CPS1: variants seen among roughly 807,000 people sequenced by gnomAD.
CPS1 encodes carbamoyl-phosphate synthase [ammonia], mitochondrial.
A neutral mutation model predicts 174.6 loss-of-function variants in CPS1; 109 were observed. That is an observed-to-expected ratio of 0.62 (90% CI 0.53 to 0.73). The LOEUF (loss-of-function observed/expected upper bound fraction) is 0.73, where lower values mean the gene tolerates loss of function less well. Among genes scored for constraint, CPS1 ranks in the 30% least tolerant of loss-of-function variants. CPS1 has a pLI of 0.00. For synonymous variants in CPS1, 637 were observed against 632.0 expected (o/e 1.01, Z -0.12); for missense variants, 1,689 against 1,821.9 (o/e 0.93, Z 1.33).
At chr2:210,674,796 C>T (rs746832151) in intron 34 of CPS1, 106 bp from the exon 35 acceptor site, 131 of 943,804 alleles carry the variant, frequency 1.4e-4, no homozygotes, top group Middle Eastern at 1.0e-3. Flanking sequence ...ATAAAGCATC[C>T]GGCAACATGT....
At position 210,605,252 on chromosome 2, in the gene CPS1, C is replaced by G. The variant is rs1698867066; in HGVS notation, c.1981+6C>G. 1 of 1,611,506 alleles carries G rather than the reference C, an allele frequency of 6.2e-7. No homozygotes were observed. The highest frequency in any genetic ancestry group is 1.1e-5 in the South Asian group (1 of 91,048). On this transcript the variant is annotated splice_donor_region_variant and intron_variant, in intron 17 of 37. Coordinates refer to ENST00000233072, the MANE Select transcript of CPS1 (RefSeq NM_001875.5). The stretch of plus-strand genomic sequence containing the variant: ...TGCCATGGGTGTTCACACAGGTAGG[C>G]AAAGTATCTTCAAGAACTATAGTAA...
chr2:210,503,378 A>C (rs1203419418), intron 1 of CPS1, among the ~76,000 whole-genome samples: 1 of 152,054 alleles, frequency 6.6e-6, no homozygotes, highest in Non-Finnish European at 1.5e-5. Flanking sequence ...ATAGAGAGAG[A>C]CTCATTAAAT....
At chr2:210,592,049 A>T (rs187531383) in intron 10 of CPS1, 80 bp downstream of exon 10, 10 of 1,456,814 alleles carry the variant, frequency 6.9e-6, no homozygotes, top group African/African-American at 1.4e-5. Flanking sequence ...TAAGCATTGT[A>T]TATATTTATG....
intron 1 of CPS1, among the ~76,000 whole-genome samples, chr2:210,483,580 T>G (rs546747623): frequency 1.0e-3 from 153 of 152,232 alleles, no homozygotes; most frequent in African/African-American, 3.7e-3. Context: ...CTCGCCCTTT[T>G]CTCCCTGCTG....
At chr2:210,562,879 T>C (rs1697150701) in intron 1 of CPS1, among the ~76,000 whole-genome samples, 1 of 152,058 alleles carries the variant, frequency 6.6e-6, no homozygotes, top group Non-Finnish European at 1.5e-5. Context: ...TTTTTTTTTT[T>C]TTTTCAAACC....
chr2:210,517,594 C>T (rs10932340), intron 1 of CPS1, among the ~76,000 whole-genome samples: 127,007 of 151,906 alleles, frequency 0.84, 54,030 homozygotes, highest in Non-Finnish European at 0.92. Context: ...GGAGCCTCCA[C>T]AGAACCCTTT....
rs552958497 is a variant in CPS1, at chr2:210,525,941, G to GA, written c.4-30774dup. On this transcript the variant is annotated intron_variant, in intron 1 of 38. Transcript: ENST00000430249. ...TGAGAGAAAAGAATGGCACGTGCAA[G>GA]AAAATGCAAGCAGTCCCACATGACT... is the stretch of plus-strand genomic sequence containing the variant. Among the ~76,000 whole-genome samples, 9 of 151,904 alleles carry GA rather than the reference G, an allele frequency of 5.9e-5. No homozygotes were observed. The South Asian group carries it at 1.9e-3, about 32-fold the overall frequency.
At chr2:210,672,146 C>T (rs1372964167) in intron 34 of CPS1, 2 of 152,052 alleles carry the variant, frequency 1.3e-5, no homozygotes, top group African/African-American at 4.8e-5. Flanking sequence ...AATAAATTCC[C>T]AGGTAATGCT....
chr2:210,542,855 T>A (rs1401036484), intron 1 of CPS1, among the ~76,000 whole-genome samples: 3 of 152,268 alleles, frequency 2.0e-5, no homozygotes, highest in East Asian at 3.9e-4. Context: ...TCTGATCTAC[T>A]TCAGTTTGAC....
intron 1 of CPS1, among the ~76,000 whole-genome samples, chr2:210,487,203 A>C (rs563497627): frequency 6.6e-6 from 1 of 152,016 alleles, no homozygotes; most frequent in South Asian, 2.1e-4. Context: ...ACTGAACAAC[A>C]TGTCACTCTT....
At chr2:210,523,720 A>G (rs1199693311) in intron 1 of CPS1, among the ~76,000 whole-genome samples, 1 of 152,012 alleles carries the variant, frequency 6.6e-6, no homozygotes, top group African/African-American at 2.4e-5. Flanking sequence ...CATTTTCTTT[A>G]TCCAATAATC....
At chr2:210,583,688 T>A (rs760960066) in intron 6 of CPS1, among the ~76,000 whole-genome samples, 5 of 152,144 alleles carry the variant, frequency 3.3e-5, no homozygotes, top group Admixed American at 6.6e-5. Flanking sequence ...GGTTCACACC[T>A]ATTGGTTTAC....
In CPS1 at chr2:210,606,638, T is replaced by C. The variant is rs145704164; in HGVS notation, c.1982-93T>C. On this transcript the variant is annotated intron_variant, in intron 17 of 37. Transcript: ENST00000233072. ...ATATCCCAACAAACCCTCAGACTGTTCTATGTCTTGCATCGTGCAAGTAGA... is the reference window on the plus strand; with the variant it reads ...ATATCCCAACAAACCCTCAGACTGTCCTATGTCTTGCATCGTGCAAGTAGA... 1.0e-3 allele frequency: 1,146 copies of C among 1,151,386 alleles called. 9 individuals carry two copies. In the African/African-American group the frequency reaches 0.015, roughly 15 times the overall value. 71.3% of individuals were successfully genotyped at this position (1,151,386 alleles called of 1,614,324 possible).
intron 11 of CPS1, chr2:210,593,213 C>A: frequency 3.6e-6 from 1 of 281,050 alleles, no homozygotes; most frequent in Non-Finnish European, 5.4e-6. Context: ...CATTATCATT[C>A]TAATATATTT....
At chr2:210,653,979 A>G (rs1176219640) in intron 28 of CPS1, 46 bp from the exon 29 acceptor site, 1 of 1,448,524 alleles carries the variant, frequency 6.9e-7, no homozygotes, top group South Asian at 1.1e-5. Context: ...CACTATATAC[A>G]TAGCGTTAGC....
chr2:210,483,872 C>T (rs369179471), intron 1 of CPS1, among the ~76,000 whole-genome samples: 1 of 152,092 alleles, frequency 6.6e-6, no homozygotes, highest in African/African-American at 2.4e-5. Context: ...CTAAAATGTC[C>T]CTGAATTATA....
chr2:210,483,399 C>A (rs991905205), intron 1 of CPS1, among the ~76,000 whole-genome samples: 2 of 152,170 alleles, frequency 1.3e-5, no homozygotes, highest in African/African-American at 2.4e-5. Flanking sequence ...AGTAATACTA[C>A]TACTCATCCC....
At chr2:210,637,958 C>A (rs149494458) in intron 22 of CPS1, 115 bp downstream of exon 22, 2 of 1,158,770 alleles carry the variant, frequency 1.7e-6, no homozygotes, top group African/African-American at 1.5e-5. Context: ...TAAGAAGTGA[C>A]AATACTCATC....
intron 2 of CPS1, among the ~76,000 whole-genome samples, chr2:210,574,781 T>A (rs1559083772): frequency 6.6e-6 from 1 of 152,116 alleles, no homozygotes; most frequent in Non-Finnish European, 1.5e-5. Flanking sequence ...ATTTATTCAT[T>A]TACTGAAGAG....
Sources: allele counts gnomAD v4.1 joint callset (sites outside exome capture counted in the v4.1 genomes callset), GRCh38; gene constraint gnomAD v4.1.1; transcripts MANE v1.5; gene names NCBI Gene and HGNC (gene_info 2026-07-23, HGNC 2026-07-21).